Variants in ANK2 observed in about 807,000 individuals in gnomAD.
ANK2 encodes the protein ankyrin-2.
Under a neutral mutation model 360.5 loss-of-function variants are expected in ANK2, and 83 were observed. That is an observed-to-expected ratio of 0.23 (90% CI 0.19 to 0.28). The LOEUF (loss-of-function observed/expected upper bound fraction) is 0.28. Ranked by LOEUF, ANK2 falls within the 10% of genes least tolerant of loss-of-function variation. The probability of loss-of-function intolerance (pLI) is 1.00; values close to 1 mark genes in which losing one functional copy is unlikely to be tolerated. For synonymous variants in ANK2, 1,740 were observed against 1,759.5 expected, an observed-to-expected ratio of 0.99 and a Z score of 0.28; for missense variants, 4,201 against 4,795.7, an observed-to-expected ratio of 0.88 and a Z score of 3.66.
At chr4:113,329,584 C>T (rs1342258310) in intron 26 of ANK2, among the ~76,000 whole-genome samples, 2 of 152,280 alleles carry the variant, frequency 1.3e-5, no homozygotes, top group Admixed American at 1.3e-4. Flanking sequence ...ATGGGCGGGC[C>T]TACTTGTTCC....
rs72544142 is a variant in ANK2 at position 113,367,573 on chromosome 4, G to T, written c.11040G>T (p.Ser3680=). The T allele has an allele frequency of 1.2e-6, 2 of 1,613,286 alleles. No individual in the cohort carries two copies. Among genetic ancestry groups the T allele is most frequent in the African/African-American group, 1.3e-5 (1 of 74,660 alleles). ...AAATCATTCTGCCTTTAGGGTTCTC[G>T]GTACTTCAAGAGGAGTTATGCACTG... is the stretch of plus-strand genomic sequence containing the variant. ...TITLDHSEGF[S]VLQEELCTAQ... The change falls in exon 42 of 46, where the codon TCG becomes TCT. Residue 3680 remains serine, a synonymous_variant. Transcript: ENST00000357077.
chr4:112,773,485 C>T, the ANK2 span, among the ~76,000 whole-genome samples: 2 of 152,202 alleles, frequency 1.3e-5, no homozygotes, highest in Admixed American at 6.5e-5. Flanking sequence ...AAAAACTTCT[C>T]TCTTCCCACC....
intron 2 of ANK2, among the ~76,000 whole-genome samples, chr4:113,039,973 T>C (rs2062557033): frequency 6.6e-6 from 1 of 152,058 alleles, no homozygotes; most frequent in Non-Finnish European, 1.5e-5. Flanking sequence ...TGCGATAACT[T>C]ATTTTTAAGC....
chr4:112,928,860 T>G (rs1214061943), intron 2 of ANK2, among the ~76,000 whole-genome samples: 1 of 151,716 alleles, frequency 6.6e-6, no homozygotes, highest in Non-Finnish European at 1.5e-5. Flanking sequence ...TTTAGGTTTT[T>G]TTTTTTTTTT....
intron 10 of ANK2, among the ~76,000 whole-genome samples, chr4:113,250,426 C>A (rs930488047): frequency 6.6e-6 from 1 of 152,202 alleles, no homozygotes; most frequent in Non-Finnish European, 1.5e-5. Context: ...TTATGACATA[C>A]TACATCTAGC....
chr4:112,717,782 A>AG, the ANK2 span, among the ~76,000 whole-genome samples: 1 of 125,614 alleles, frequency 8.0e-6, no homozygotes, highest in Non-Finnish European at 1.9e-5. Context: ...TATTTACTTT[A>AG]AAAAAAAAAT....
rs933519614 is a variant in ANK2, at chr4:113,171,826, G to A, written c.85-2590G>A. 3.9e-5 allele frequency among the ~76,000 whole-genome samples: 6 copies of A among 152,154 alleles called. No individual in the cohort carries two copies. The East Asian group carries it at 1.2e-3, about 29-fold the overall frequency. On this transcript the variant is annotated intron_variant, in intron 1 of 45. Transcript: ENST00000357077. ...CTCAATGTCATGTCCAATCCCCAGA[G>A]AAGATTCAAAGATGGTCTATTATAT... is the stretch of plus-strand genomic sequence containing the variant.
At position 113,255,793 on chromosome 4, in the gene ANK2, A is replaced by G; in HGVS notation, c.1049A>G (p.His350Arg). The G allele has an allele frequency of 6.2e-7, 1 of 1,614,204 alleles. No individual in the cohort carries two copies. The highest frequency in any genetic ancestry group is 8.5e-7 in the Non-Finnish European group (1 of 1,180,038). The change falls in exon 11 of 46, where the codon CAC becomes CGC. Residue 350 changes from histidine to arginine, a missense_variant. By Grantham distance (29) the His-to-Arg change is conservative. Transcript: ENST00000357077. ...AQGDHVECVK[H>R]LLQHKAPVDD... ...GGAGACCACGTGGAATGTGTGAAGC[A>G]CCTGTTACAGCACAAGGCACCTGTT...
chr4:113,057,474 G>A (rs1257403931), intron 1 of ANK2, among the ~76,000 whole-genome samples: 1 of 152,146 alleles, frequency 6.6e-6, no homozygotes, highest in Non-Finnish European at 1.5e-5. Flanking sequence ...ATTTGTTGCA[G>A]TGCAGAGCCA....
At chr4:112,838,065 C>T (rs2061365141) in intron 1 of ANK2, among the ~76,000 whole-genome samples, 1 of 152,138 alleles carries the variant, frequency 6.6e-6, no homozygotes, top group Non-Finnish European at 1.5e-5. Context: ...CAAATCTCAT[C>T]TTGAATTGTA....
At chr4:113,350,303 A>G (rs2095323477) in intron 37 of ANK2, 54 bp downstream of exon 37, 7 of 1,521,062 alleles carry the variant, frequency 4.6e-6, no homozygotes, top group Non-Finnish European at 1.8e-6. Flanking sequence ...CATAAAAAGA[A>G]GCATGAATTA....
intron 2 of ANK2, among the ~76,000 whole-genome samples, chr4:113,192,928 A>ATTTTT (rs1562781894): frequency 4.7e-4 from 68 of 144,404 alleles, no homozygotes; most frequent in Admixed American, 2.9e-3. Flanking sequence ...ATTATTTAAA[A>ATTTTT]AAAAAAAAAA....
At chr4:112,793,852 C>T in the ANK2 span, among the ~76,000 whole-genome samples, 3 of 151,996 alleles carry the variant, frequency 2.0e-5, no homozygotes, top group Middle Eastern at 3.4e-3. Flanking sequence ...ACAACAGGCA[C>T]GTGCCACCAC....
chr4:112,812,909 T>C, the ANK2 span, among the ~76,000 whole-genome samples: 1 of 152,136 alleles, frequency 6.6e-6, no homozygotes, highest in African/African-American at 2.4e-5. Context: ...CAAAGAGCCC[T>C]GGTTCTTTTT....
intron 1 of ANK2, among the ~76,000 whole-genome samples, chr4:112,834,828 T>C (rs1399773250): frequency 6.6e-6 from 1 of 152,214 alleles, no homozygotes; most frequent in African/African-American, 2.4e-5. Context: ...AAAAATCAGA[T>C]CTTTAAAAAA....
At chr4:112,995,119 A>G (rs2048114018) in intron 2 of ANK2, among the ~76,000 whole-genome samples, 3 of 152,184 alleles carry the variant, frequency 2.0e-5, no homozygotes, top group Non-Finnish European at 4.4e-5. Context: ...TCCTTTGGGT[A>G]TATATTCAGT....
chr4:113,300,739 C>T (rs1349012927), intron 22 of ANK2, among the ~76,000 whole-genome samples: 2 of 152,196 alleles, frequency 1.3e-5, no homozygotes, highest in African/African-American at 4.8e-5. Flanking sequence ...CATGAGAGAA[C>T]ATGACCTGTC....
intron 4 of ANK2, among the ~76,000 whole-genome samples, chr4:113,199,921 TGTATTAACTGTATA>T (rs2153410022): frequency 6.6e-6 from 1 of 152,316 alleles, no homozygotes; most frequent in African/African-American, 2.4e-5. Context: ...TGTAGGAATA[TGTATTAACTGTATA>T]GTTCATTCAT....
chr4:112,968,249 A>G (rs2038093002), intron 2 of ANK2, among the ~76,000 whole-genome samples: 1 of 152,222 alleles, frequency 6.6e-6, no homozygotes, highest in Non-Finnish European at 1.5e-5. Flanking sequence ...AATAATGTTC[A>G]GATGCATTGA....
Sources: allele counts gnomAD v4.1 joint callset (sites outside exome capture counted in the v4.1 genomes callset), GRCh38; gene constraint gnomAD v4.1.1; transcripts MANE v1.5; gene names NCBI Gene and HGNC (gene_info 2026-07-23, HGNC 2026-07-21).